The following C14orf39 variants were observed in gnomAD, a reference collection of about 807,000 sequenced individuals.
C14orf39 encodes the protein protein SIX6OS1.
A neutral mutation model predicts 85.6 loss-of-function variants in C14orf39; 66 were observed. The ratio of observed to expected loss-of-function variants is 0.77; its 90% CI spans 0.63 to 0.95. The LOEUF is 0.95. Among genes scored for constraint, C14orf39 ranks in the 40% least tolerant of loss-of-function variants. The pLI is 0.00. For synonymous variants in C14orf39, 242 were observed against 214.0 expected (o/e 1.13, Z -1.14); for missense variants, 735 against 663.9 (o/e 1.11, Z -1.18).
At chr14:60,454,423 A>G (rs1214472772) in intron 16 of C14orf39, among the ~76,000 whole-genome samples, 7 of 151,982 alleles carry the variant, frequency 4.6e-5, no homozygotes, top group African/African-American at 1.4e-4. Context: ...CCACTTACCC[A>G]AAATCCCACA....
Position 60,467,003 on chromosome 14 carries a change from G to A in C14orf39, c.809C>T (p.Thr270Ile). Reference protein sequence around the residue: ...KDEHVLTLNKTQSSQLFLPYE... With the variant: ...KDEHVLTLNKIQSSQLFLPYE... ...AGGAAGAAATAATTGACTGCTTTGA[G>A]TTTTATTCAATGTAAGTACATGCTC... The change falls in exon 10 of 18, where the codon ACT (threonine) becomes ATT (isoleucine). Residue 270 changes from threonine (T) to isoleucine (I), a missense_variant. Physicochemically the swap from Thr to Ile is moderately conservative, Grantham distance 89. Transcript: ENST00000321731. The A allele has an allele frequency of 2.1e-6, 3 of 1,452,650 alleles. No individual in the cohort carries two copies. The highest frequency in any genetic ancestry group is 2.7e-6 in the Non-Finnish European group (3 of 1,093,088). The allele number at this position is 1,452,650 out of a possible 1,614,324, so 90.0% of individuals were successfully genotyped here. A position where few individuals can be genotyped will look rare whatever the true frequency, so the allele number is the denominator to read the frequency against.
At chr14:60,473,854 T>C (rs1380634460) in intron 5 of C14orf39, among the ~76,000 whole-genome samples, 5 of 152,172 alleles carry the variant, frequency 3.3e-5, no homozygotes, top group African/African-American at 1.2e-4. Context: ...CCAGCTTTGT[T>C]CTTTTGGCTT....
At chr14:60,456,597 T>C (rs919789398) in intron 15 of C14orf39, among the ~76,000 whole-genome samples, 2 of 151,504 alleles carry the variant, frequency 1.3e-5, no homozygotes, top group Admixed American at 6.6e-5. Context: ...TGGAAAAATC[T>C]CAAATCTACA....
intron 1 of C14orf39, among the ~76,000 whole-genome samples, chr14:60,502,346 T>C (rs1393761680): frequency 1.3e-5 from 2 of 151,276 alleles, no homozygotes; most frequent in African/African-American, 2.4e-5. Flanking sequence ...CACAGAGAAA[T>C]ACAATCATTG....
chr14:60,493,246 T>G, intron 2 of C14orf39, among the ~76,000 whole-genome samples: 1 of 152,244 alleles, frequency 6.6e-6, no homozygotes, highest in East Asian at 1.9e-4. Flanking sequence ...GAAGAAACTT[T>G]GTAATTCTAC....
chr14:60,506,421 T>C (rs1371424385), intron 1 of C14orf39, among the ~76,000 whole-genome samples: 1 of 152,148 alleles, frequency 6.6e-6, no homozygotes, highest in Non-Finnish European at 1.5e-5. Context: ...TTGGGAGAAG[T>C]ACACCTTAAA....
chr14:60,471,441 G>A lies in C14orf39; in HGVS notation c.530C>T (p.Ser177Leu), dbSNP rs1160992306. 2 of 1,599,262 alleles carry A rather than the reference G, an allele frequency of 1.3e-6. No homozygotes were observed. Among genetic ancestry groups the A allele is most frequent in the South Asian group, 2.2e-5 (2 of 89,078 alleles). ...MKFRVPAPFP[S>L]LTKWTLNIVN... ...CATGTTTAAAGTCCATTTAGTAAGTGATGGAAAGGGAGCAGGCACTGAAAA... is the reference window on the plus strand; with the variant it reads ...CATGTTTAAAGTCCATTTAGTAAGTAATGGAAAGGGAGCAGGCACTGAAAA... The change falls in exon 7 of 18, where the codon TCA becomes TTA. Residue 177 changes from serine (S) to leucine (L), a missense_variant. By Grantham distance (145) the Ser-to-Leu change is moderately radical. Transcript: ENST00000321731.
At chr14:60,471,487 GATT>G (rs747302345) in intron 6 of C14orf39, 28 bp from the exon 7 acceptor site, 303 of 1,585,418 alleles carry the variant, frequency 1.9e-4, no homozygotes, top group Non-Finnish European at 6.3e-5. Flanking sequence ...AGCATAAGCT[GATT>G]ATTATATTCT....
intron 2 of C14orf39, chr14:60,494,948 T>A (rs1159824127): frequency 1.3e-5 from 2 of 157,704 alleles, no homozygotes; most frequent in Non-Finnish European, 2.8e-5. Context: ...TCACTGGCCA[T>A]CATTGGCTCA....
intron 16 of C14orf39, among the ~76,000 whole-genome samples, chr14:60,450,949 C>T (rs1027106315): frequency 6.6e-6 from 1 of 152,210 alleles, no homozygotes; most frequent in African/African-American, 2.4e-5. Flanking sequence ...GGGCTTGGAG[C>T]CCAAGTCCCT....
chr14:60,512,001 G>A (rs1316631943), intron 1 of C14orf39: 6 of 152,380 alleles, frequency 3.9e-5, no homozygotes, highest in South Asian at 2.1e-4. Context: ...CAAATTACAC[G>A]TATGTGCATA....
intron 5 of C14orf39, among the ~76,000 whole-genome samples, chr14:60,475,397 T>G (rs1265911115): frequency 6.6e-6 from 1 of 152,178 alleles, no homozygotes; most frequent in Non-Finnish European, 1.5e-5. Context: ...TGACCTGTGC[T>G]CGATTCTACA....
intron 5 of C14orf39, among the ~76,000 whole-genome samples, 169 bp downstream of exon 5, chr14:60,478,131 A>T (rs10130568): frequency 0.81 from 117,146 of 144,882 alleles, 48,938 homozygotes; most frequent in Non-Finnish European, 0.91. Flanking sequence ...GTGAGCCAAG[A>T]TCATGCCACT....
At chr14:60,445,601 C>A (rs1890728491) in intron 16 of C14orf39, among the ~76,000 whole-genome samples, 1 of 151,838 alleles carries the variant, frequency 6.6e-6, no homozygotes, top group Non-Finnish European at 1.5e-5. Flanking sequence ...CTTAGACTCC[C>A]ACATAATAAT....
chr14:60,506,650 T>C (rs566522497), intron 1 of C14orf39, among the ~76,000 whole-genome samples: 5 of 152,312 alleles, frequency 3.3e-5, no homozygotes, highest in African/African-American at 4.8e-5. Context: ...ATGGCGAAGA[T>C]GGATCTCCTG....
Position 60,457,019 on chromosome 14 carries a change from G to A in C14orf39, c.1256C>T (p.Pro419Leu). The A allele has an allele frequency of 1.2e-6, 2 of 1,610,322 alleles. No individual in the cohort carries two copies. Among genetic ancestry groups the A allele is most frequent in the Middle Eastern group, 1.7e-4 (1 of 6,036 alleles). ...AAATATAGGAATTTCAGACGTTCGT[G>A]GAAAATTCTCAGCTCTCTCTTCTAC... is the stretch of plus-strand genomic sequence containing the variant. ...DEVEERAENF[P>L]RTSEIPIFLG... Residue 419 changes from proline (P) to leucine (L), a missense_variant, in exon 15 of 18, where the codon CCA becomes CTA. Physicochemically the swap from Pro to Leu is moderately conservative, Grantham distance 98. Transcript: ENST00000321731.
rs1487298511 is a variant in C14orf39 at position 60,491,099 on chromosome 14, A to G, written c.-8-6013T>C. On this transcript the variant is annotated intron_variant, in intron 2 of 5. Transcript: ENST00000556799. This position sits in a 1 kb window ranked among gnomAD's most constrained non-coding sequence, Gnocchi z 4.5. ...TCCTGAGTTCCAGACCCACGTATCTAATTGCTGACGTGATAAGCTATCTTA... is the reference window on the plus strand; with the variant it reads ...TCCTGAGTTCCAGACCCACGTATCTGATTGCTGACGTGATAAGCTATCTTA... Among the ~76,000 whole-genome samples the G allele has an allele frequency of 3.3e-5, 5 of 152,218 alleles. No homozygotes were observed. The highest frequency in any genetic ancestry group is 7.3e-5 in the Non-Finnish European group (5 of 68,036).
At position 60,438,975 on chromosome 14, in the gene C14orf39, G is replaced by A. The variant is rs559203610; in HGVS notation, c.1562-1928C>T. On this transcript the variant is annotated intron_variant, in intron 17 of 17. Coordinates refer to ENST00000321731, the MANE Select transcript of C14orf39 (RefSeq NM_174978.3). ...AGACAGAAGGAATAAGTTCTAGTAC[G>A]GAATTTAAGAATAAGTTCTAGAGTA... is the stretch of plus-strand genomic sequence containing the variant. Among the ~76,000 whole-genome samples the A allele has an allele frequency of 9.9e-5, 15 of 152,184 alleles. No individual in the cohort carries two copies. In the East Asian group the frequency reaches 1.9e-3, roughly 20 times the overall value.
At chr14:60,450,070 G>A (rs1361935890) in intron 16 of C14orf39, among the ~76,000 whole-genome samples, 3 of 152,170 alleles carry the variant, frequency 2.0e-5, no homozygotes, top group Non-Finnish European at 2.9e-5. Flanking sequence ...GAGAGGTGCT[G>A]GCTTCAGTTG....
Sources: gnomAD v4.1 joint callset for allele counts (sites outside exome capture counted in the v4.1 genomes callset) on GRCh38, gnomAD v4.1.1 for gene constraint, Gnocchi (gnomAD v3.1) non-coding constraint, MANE v1.5 for transcripts, NCBI Gene and HGNC (gene_info 2026-07-23, HGNC 2026-07-21) for gene names.